SYNE3: variants seen among roughly 807,000 people sequenced by gnomAD.
The protein encoded by SYNE3 is nesprin-3.
In SYNE3, 100 loss-of-function variants were observed where a neutral mutation model predicts 111.2. The ratio of observed to expected loss-of-function variants is 0.90; its 90% CI spans 0.77 to 1.06. The LOEUF (loss-of-function observed/expected upper bound fraction) is 1.06, where lower values mean the gene tolerates loss of function less well. Among genes scored for constraint, SYNE3 ranks in the 50% least tolerant of loss-of-function variants. The pLI, the probability that SYNE3 is intolerant of heterozygous loss-of-function variation, is 0.00. For synonymous variants in SYNE3, 547 were observed against 533.9 expected (o/e 1.02, Z -0.34); for missense variants, 1,160 against 1,240.3 (o/e 0.94, Z 0.97).
At chr14:95,465,806 G>A (rs1257346660) in intron 4 of SYNE3, 125 bp downstream of exon 4, 7 of 1,074,148 alleles carry the variant, frequency 6.5e-6, no homozygotes, top group Non-Finnish European at 7.8e-6. Flanking sequence ...TGGATTGATA[G>A]TAGAAAGATA....
intron 17 of SYNE3, among the ~76,000 whole-genome samples, chr14:95,422,444 C>A (rs1021774692): frequency 3.9e-5 from 6 of 152,218 alleles, no homozygotes; most frequent in African/African-American, 1.4e-4. Flanking sequence ...TCCAGTGTCA[C>A]TCCAGAGCCC....
intron 1 of SYNE3, among the ~76,000 whole-genome samples, chr14:95,499,712 A>G (rs1459301927): frequency 1.3e-5 from 2 of 152,186 alleles, no homozygotes; most frequent in Admixed American, 6.5e-5. Flanking sequence ...CAAAGGTCAC[A>G]CAGCAAGCAA....
In SYNE3 at chr14:95,450,174, C is replaced by T. The variant is rs895632642; in HGVS notation, c.1275-69G>A. 33 of 1,501,306 alleles carry T rather than the reference C, an allele frequency of 2.2e-5. No individual in the cohort carries two copies. The African/African-American group carries it at 2.2e-4, about 10-fold the overall frequency. The allele number at this position is 1,501,306 out of a possible 1,614,324, so 93.0% of individuals were successfully genotyped here. On this transcript the variant is annotated intron_variant, in intron 7 of 17. Coordinates refer to ENST00000682763, the MANE Select transcript of SYNE3 (RefSeq NM_152592.6). ...GGGTTCAGTCCAGGGATGAGGCCTC[C>T]GCCAAGACCCTCAAGAGGCCCAGCA... is the stretch of plus-strand genomic sequence containing the variant.
chr14:95,433,157 C>G (rs1233322573), intron 16 of SYNE3, 103 bp downstream of exon 16: 5 of 1,484,996 alleles, frequency 3.4e-6, no homozygotes, highest in Non-Finnish European at 4.5e-6. Context: ...TGTGAATGCA[C>G]AGGGCAGGGT....
At chr14:95,431,971 C>T in intron 17 of SYNE3, 108 bp downstream of exon 17, 2 of 1,314,092 alleles carry the variant, frequency 1.5e-6, no homozygotes, top group Non-Finnish European at 2.1e-6. Context: ...CTTTGGTCTT[C>T]CTGGAACCTT....
chr14:95,443,403 G>A (rs1886518954), intron 10 of SYNE3, 114 bp from the exon 11 acceptor site: 1 of 1,330,786 alleles, frequency 7.5e-7, no homozygotes, highest in Admixed American at 2.5e-5. Flanking sequence ...AATTCCCCAA[G>A]GCGGTGGGGC....
chr14:95,415,506 C>T lies in SYNE3; in HGVS notation c.*2320G>A, dbSNP rs1288441636. 1 of 152,128 alleles carries T rather than the reference C, an allele frequency of 6.6e-6. No homozygotes were observed. Among genetic ancestry groups the T allele is most frequent in the Non-Finnish European group, 1.5e-5 (1 of 68,022 alleles). The allele number at this position is 152,128 out of a possible 1,614,324, so 9.4% of individuals were successfully genotyped here. A position where few individuals can be genotyped will look rare whatever the true frequency, so the allele number is the denominator to read the frequency against. Reference sequence around the variant, plus strand: ...CCAAGTCACAGGGTTGTAGGATCTACTTTTTGAACTTTTCATCCCCTGTAG... The same window carrying T: ...CCAAGTCACAGGGTTGTAGGATCTATTTTTTGAACTTTTCATCCCCTGTAG... On this transcript the variant is annotated 3_prime_UTR_variant, in exon 18 of 18. Transcript: ENST00000682763.
intron 5 of SYNE3, chr14:95,456,209 TA>T (rs1485552944): frequency 5.9e-6 from 1 of 169,788 alleles, no homozygotes; most frequent in Non-Finnish European, 1.2e-5. Flanking sequence ...TCCATTTAAA[TA>T]CAAATATTAA....
intron 14 of SYNE3, among the ~76,000 whole-genome samples, chr14:95,437,190 C>A (rs565815934): frequency 6.6e-6 from 1 of 152,344 alleles, no homozygotes; most frequent in East Asian, 1.9e-4. Context: ...CCTTTCTGGT[C>A]CCCTGAGAGG....
At chr14:95,421,314 A>C (rs1343481704) in intron 17 of SYNE3, among the ~76,000 whole-genome samples, 1 of 152,204 alleles carries the variant, frequency 6.6e-6, no homozygotes, top group African/African-American at 2.4e-5. Flanking sequence ...GCTCTGACCA[A>C]GAGTCCTCCA....
At chr14:95,430,935 T>C (rs2761907) in intron 17 of SYNE3, among the ~76,000 whole-genome samples, 84,733 of 152,096 alleles carry the variant, frequency 0.56, 24,509 homozygotes, top group Non-Finnish European at 0.65. Flanking sequence ...AGCCCAGCCT[T>C]GATTTTGTGA....
At chr14:95,476,157 G>A (rs1348148791) in intron 1 of SYNE3, among the ~76,000 whole-genome samples, 4 of 152,216 alleles carry the variant, frequency 2.6e-5, no homozygotes, top group African/African-American at 4.8e-5. Flanking sequence ...CAGATTGCAC[G>A]CTCTCCAAAA....
rs78666146 is a variant in SYNE3 at position 95,420,217 on chromosome 14, A to C, written c.2728-2191T>G. The stretch of plus-strand genomic sequence containing the variant: ...AGTGGAGGGTGGGGGTGGGTGACAC[A>C]TTGTTTAAGCGGCTGAATGAGTGTG... On this transcript the variant is annotated intron_variant, in intron 17 of 17. Transcript: ENST00000682763. 2.5e-4 allele frequency among the ~76,000 whole-genome samples: 38 copies of C among 152,046 alleles called. No individual in the cohort carries two copies. In the East Asian group the frequency reaches 7.4e-3, roughly 30 times the overall value.
chr14:95,420,729 T>C (rs112404918), intron 17 of SYNE3, among the ~76,000 whole-genome samples: 2,518 of 149,488 alleles, frequency 0.017, 53 homozygotes, highest in African/African-American at 0.058. Context: ...CACACACACA[T>C]ACACACACAC....
chr14:95,432,151 A>C, intron 16 of SYNE3, 34 bp from the exon 17 acceptor site: 1 of 1,598,748 alleles, frequency 6.3e-7, no homozygotes, highest in East Asian at 2.2e-5. Flanking sequence ...AAAAGGGGGG[A>C]AAAAAATAAG....
At chr14:95,467,498 A>C (rs891315574) in intron 3 of SYNE3, among the ~76,000 whole-genome samples, 4 of 151,988 alleles carry the variant, frequency 2.6e-5, no homozygotes, top group African/African-American at 9.7e-5. Context: ...CAGTGCTAGC[A>C]GGGCCCCAGG....
intron 4 of SYNE3, 141 bp from the exon 5 acceptor site, chr14:95,457,479 T>C (rs998917092): frequency 6.8e-6 from 6 of 876,648 alleles, no homozygotes; most frequent in Non-Finnish European, 1.0e-5. Flanking sequence ...TAGCCCTTTC[T>C]CTAGACACAA....
In SYNE3 at chr14:95,432,108, A is replaced by T. The variant is rs1401797401; in HGVS notation, c.2698T>A (p.Ser900Thr). 1.2e-6 allele frequency: 2 copies of T among 1,612,622 alleles called. No individual in the cohort carries two copies. Among genetic ancestry groups the T allele is most frequent in the South Asian group, 2.2e-5 (2 of 90,616 alleles). The part of the protein sequence containing the change: ...KDSGHLLTQS[S>T]PGEPTGFQKT... ...TGGAATCCAGTCGGCTCCCCTGGAGAACTTTGTGTCTGTTATTTTAGGGAA... is the reference window on the plus strand; with the variant it reads ...TGGAATCCAGTCGGCTCCCCTGGAGTACTTTGTGTCTGTTATTTTAGGGAA... Residue 900 changes from serine to threonine, a missense_variant, in exon 17 of 18, where the codon TCT (serine) becomes ACT (threonine). Coordinates refer to ENST00000682763, the MANE Select transcript of SYNE3 (RefSeq NM_152592.6).
chr14:95,515,680 G>GC (rs145050319), intron 1 of SYNE3, among the ~76,000 whole-genome samples: 6,066 of 152,264 alleles, frequency 0.04, 159 homozygotes, highest in Middle Eastern at 0.044. Flanking sequence ...GCTGTAGAAA[G>GC]CCCCCCCACC....
Sources: allele counts gnomAD v4.1 joint callset (sites outside exome capture counted in the v4.1 genomes callset), GRCh38; gene constraint gnomAD v4.1.1; transcripts MANE v1.5; gene names NCBI Gene and HGNC (gene_info 2026-07-23, HGNC 2026-07-21).